Variants in TARBP1 observed in about 807,000 individuals in gnomAD.
TARBP1 encodes the protein tRNA (guanosine(18)-2'-O)-methyltransferase TARBP1.
TARBP1 carries 144 observed loss-of-function variants against 178.6 expected under a neutral mutation model. The ratio of observed to expected loss-of-function variants is 0.81; its 90% CI spans 0.70 to 0.93. TARBP1 has a LOEUF of 0.93. Ranked by LOEUF, TARBP1 falls within the 40% of genes least tolerant of loss-of-function variation. The probability of loss-of-function intolerance (pLI) is 0.00; values close to 1 mark genes in which losing one functional copy is unlikely to be tolerated. For synonymous variants in TARBP1, 787 were observed against 781.0 expected (o/e 1.01, Z -0.13); for missense variants, 2,067 against 2,011.7 (o/e 1.03, Z -0.53).
intron 25 of TARBP1, among the ~76,000 whole-genome samples, chr1:234,400,640 A>G (rs1660585767): frequency 6.6e-6 from 1 of 152,216 alleles, no homozygotes. Context: ...GCAATGTCTA[A>G]TGATTTACAT....
Position 234,478,572 on chromosome 1 carries a change from C to T in TARBP1, c.532G>A (p.Gly178Arg), listed in dbSNP as rs1177289586. ...TCCTCGGCAGGCCCGGCCTCATCCC[C>T]GTCCCCGCCCCCGCCCAGCGCCAGG... The part of the protein sequence containing the change: ...VALALGGGGD[G>R]DEAGPAEDAA... Residue 178 changes from glycine (G) to arginine (R), a missense_variant, in exon 1 of 30, where the codon GGG becomes AGG. Gly to Arg is a moderately radical substitution (Grantham distance 125). Transcript: ENST00000040877. 3 of 1,292,232 alleles carry T rather than the reference C, an allele frequency of 2.3e-6. No homozygotes were observed. In the East Asian group the frequency reaches 1.0e-4, roughly 44 times the overall value. The allele number at this position is 1,292,232 out of a possible 1,614,324, so 80.0% of individuals were successfully genotyped here. A position where few individuals can be genotyped will look rare whatever the true frequency, so the allele number is the denominator to read the frequency against.
intron 6 of TARBP1, among the ~76,000 whole-genome samples, chr1:234,461,223 CTAGTT>C (rs1468487418): frequency 1.3e-5 from 2 of 152,180 alleles, no homozygotes; most frequent in East Asian, 3.8e-4. Flanking sequence ...AATTTAATTC[CTAGTT>C]TAGTAAGATA....
chr1:234,474,302 A>T (rs1669385026), intron 1 of TARBP1, among the ~76,000 whole-genome samples: 1 of 149,646 alleles, frequency 6.7e-6, no homozygotes, highest in African/African-American at 2.5e-5. Flanking sequence ...GGGACATTTA[A>T]AAAAAAAAAC....
At position 234,392,497 on chromosome 1, in the gene TARBP1, G is replaced by GTA; in HGVS notation, c.4614_4615dup (p.Thr1539IlefsTer13). On this transcript the variant is annotated frameshift_variant, in exon 29 of 30. Coordinates refer to ENST00000040877, the MANE Select transcript of TARBP1 (RefSeq NM_005646.4). LOFTEE classifies it high-confidence loss of function. ...GGCAGTTTGTTCCACTCCAATGATGGTATAACCTTCTGTTTTCTTCTGCTG... is the reference window on the plus strand; with the variant it reads ...GGCAGTTTGTTCCACTCCAATGATGGTATATAACCTTCTGTTTTCTTCTGCTG... 1 of 1,613,986 alleles carries GTA rather than the reference G, an allele frequency of 6.2e-7. No individual in the cohort carries two copies. The highest frequency in any genetic ancestry group is 8.5e-7 in the Non-Finnish European group (1 of 1,179,890).
At position 234,474,601 on chromosome 1, in the gene TARBP1, T is replaced by C. The variant is rs555520102; in HGVS notation, c.932-1790A>G. Among the ~76,000 whole-genome samples the C allele has an allele frequency of 2.7e-4, 41 of 152,248 alleles. 1 individual carries two copies. The highest frequency in any genetic ancestry group is 1.7e-3 in the South Asian group (8 of 4,818). On this transcript the variant is annotated intron_variant, in intron 1 of 29. Coordinates refer to ENST00000040877, the MANE Select transcript of TARBP1 (RefSeq NM_005646.4). The stretch of plus-strand genomic sequence containing the variant: ...TAGAGAGAAACAGTTCCTGTATAAA[T>C]AAACAGGATTCAGAATGGTTTCAGA...
intron 25 of TARBP1, among the ~76,000 whole-genome samples, chr1:234,399,013 G>A (rs957295041): frequency 6.6e-6 from 1 of 152,208 alleles, no homozygotes; most frequent in African/African-American, 2.4e-5. Flanking sequence ...AATTAGTTAT[G>A]TGACGTTAGG....
intron 1 of TARBP1, among the ~76,000 whole-genome samples, chr1:234,473,731 C>T (rs79618161): frequency 2.0e-3 from 300 of 152,264 alleles, no homozygotes; most frequent in Middle Eastern, 3.4e-3. Flanking sequence ...AGCTTTAAAC[C>T]CAATTTTGAT....
At chr1:234,446,349 G>A (rs538035609) in intron 12 of TARBP1, among the ~76,000 whole-genome samples, 2 of 152,240 alleles carry the variant, frequency 1.3e-5, no homozygotes, top group African/African-American at 2.4e-5. Context: ...ACTCGGAGAT[G>A]AACATATTTA....
rs1666769539 is a variant in TARBP1 at position 234,451,626 on chromosome 1, G to A, written c.1723-1060C>T. On this transcript the variant is annotated intron_variant, in intron 9 of 29. Coordinates refer to ENST00000040877, the MANE Select transcript of TARBP1 (RefSeq NM_005646.4). ...TAGCCGGGCGTAGTGGCGGGCGCCT[G>A]TAGTCCCAGCTACTTGGGAGGCTGA... Among the ~76,000 whole-genome samples the A allele has an allele frequency of 2.6e-5, 2 of 77,182 alleles. 1 individual carries two copies. Among genetic ancestry groups the A allele is most frequent in the African/African-American group, 1.6e-4 (2 of 12,822 alleles). 50.6% of individuals were successfully genotyped at this position (77,182 alleles called of 152,430 possible).
intron 22 of TARBP1, among the ~76,000 whole-genome samples, chr1:234,416,098 C>G (rs1662387281): frequency 6.6e-6 from 1 of 152,172 alleles, no homozygotes; most frequent in Admixed American, 6.5e-5. Flanking sequence ...ATGGGAGCAC[C>G]AGGAAGTTTT....
intron 3 of TARBP1, among the ~76,000 whole-genome samples, chr1:234,470,276 CAAA>C (rs1361741294): frequency 6.6e-6 from 1 of 150,402 alleles, no homozygotes; most frequent in Non-Finnish European, 1.5e-5. Context: ...ATCTCAAAAA[CAAA>C]AAAAAAGAGC....
chr1:234,406,232 G>A (rs12077858), intron 23 of TARBP1, 133 bp from the exon 24 acceptor site: 67,029 of 763,940 alleles, frequency 0.088, 3,308 homozygotes, highest in Admixed American at 0.12. Flanking sequence ...TTGCTACCAG[G>A]GCCTCTCATT....
chr1:234,464,452 A>C (rs1161360270), intron 5 of TARBP1, among the ~76,000 whole-genome samples: 1 of 152,204 alleles, frequency 6.6e-6, no homozygotes, highest in African/African-American at 2.4e-5. Flanking sequence ...TGCTAATTGA[A>C]CACATTAGAG....
chr1:234,401,415 G>C (rs1201207533), intron 24 of TARBP1, among the ~76,000 whole-genome samples, 153 bp from the exon 25 acceptor site: 1 of 152,158 alleles, frequency 6.6e-6, no homozygotes, highest in Non-Finnish European at 1.5e-5. Flanking sequence ...ACCTCTCCAA[G>C]ATCAATACAT....
At chr1:234,432,030 A>G (rs10910437) in intron 14 of TARBP1, among the ~76,000 whole-genome samples, 62,949 of 150,888 alleles carry the variant, frequency 0.42, 13,354 homozygotes, top group Middle Eastern at 0.56. Flanking sequence ...CCAGCTACTC[A>G]GGAGGCTGAG....
Position 234,409,146 on chromosome 1 carries a change from C to T in TARBP1, c.3792+1299G>A, listed in dbSNP as rs538008062. On this transcript the variant is annotated intron_variant, in intron 23 of 29. Coordinates refer to ENST00000040877, the MANE Select transcript of TARBP1 (RefSeq NM_005646.4). ...CAACTTGGCCTTTTCTTAGGTATGT[C>T]AAGTCAGTTTTTTTTTTCCTAAGGT... Among the ~76,000 whole-genome samples, 68 of 151,948 alleles carry T rather than the reference C, an allele frequency of 4.5e-4. 1 individual carries two copies. The highest frequency in any genetic ancestry group is 1.4e-3 in the African/African-American group (59 of 41,458).
intron 22 of TARBP1, among the ~76,000 whole-genome samples, chr1:234,414,258 A>C (rs1662171303): frequency 6.6e-6 from 1 of 152,220 alleles, no homozygotes; most frequent in Non-Finnish European, 1.5e-5. Flanking sequence ...GCCAGCCCAA[A>C]TTTGGCTGTA....
chr1:234,406,176 T>A, intron 23 of TARBP1, 77 bp from the exon 24 acceptor site: 1 of 1,328,254 alleles, frequency 7.5e-7, no homozygotes, highest in Non-Finnish European at 1.1e-6. Flanking sequence ...ACAAAAAAAG[T>A]ACACGAATGA....
rs1669744457 is a variant in TARBP1 at position 234,478,168 on chromosome 1, G to C, written c.931+5C>G. The C allele has an allele frequency of 6.2e-7, 1 of 1,611,506 alleles. No individual in the cohort carries two copies. Among genetic ancestry groups the C allele is most frequent in the Non-Finnish European group, 8.5e-7 (1 of 1,179,342 alleles). On this transcript the variant is annotated splice_donor_5th_base_variant and intron_variant, in intron 1 of 29. Coordinates refer to ENST00000040877, the MANE Select transcript of TARBP1 (RefSeq NM_005646.4). Reference sequence around the variant, plus strand: ...CACTAGGCTGGGGGGCAAAGAGGCAGGTACCGTTTCCTTCCTGGGGCCCGC... The same window carrying C: ...CACTAGGCTGGGGGGCAAAGAGGCACGTACCGTTTCCTTCCTGGGGCCCGC...
Sources: gnomAD v4.1 joint callset for allele counts (sites outside exome capture counted in the v4.1 genomes callset) on GRCh38, gnomAD v4.1.1 for gene constraint, MANE v1.5 for transcripts, NCBI Gene and HGNC (gene_info 2026-07-23, HGNC 2026-07-21) for gene names.